The following FMNL2 variants were observed in gnomAD, a reference collection of about 807,000 sequenced individuals.
FMNL2 encodes the protein formin-like protein 2.
In FMNL2, 51 loss-of-function variants were observed where a neutral mutation model predicts 130.2. The observed-to-expected ratio is 0.39, with a 90% CI of 0.31 to 0.49. FMNL2 has a LOEUF of 0.49. Ranked by LOEUF, FMNL2 falls within the 20% of genes least tolerant of loss-of-function variation. FMNL2 has a pLI of 0.85. For missense variants in FMNL2, 977 were observed against 1,316.2 expected, an observed-to-expected ratio of 0.74 and a Z score of 3.99; for synonymous variants, 465 against 467.1, an observed-to-expected ratio of 1.00 and a Z score of 0.06.
intron 1 of FMNL2, among the ~76,000 whole-genome samples, chr2:152,418,565 GT>G (rs1686740955): frequency 6.6e-6 from 1 of 152,054 alleles, no homozygotes. Context: ...GTGTCCTTTT[GT>G]GTCTGGTTGA....
At chr2:152,448,458 C>T (rs750874073) in intron 1 of FMNL2, among the ~76,000 whole-genome samples, 2 of 152,044 alleles carry the variant, frequency 1.3e-5, no homozygotes, top group South Asian at 2.1e-4. Flanking sequence ...TGTTAATTGT[C>T]GGGATAAGCA....
chr2:152,492,901 C>G (rs144225809), intron 1 of FMNL2, among the ~76,000 whole-genome samples: 1 of 152,154 alleles, frequency 6.6e-6, no homozygotes, highest in East Asian at 1.9e-4. Flanking sequence ...TCTATGTCAC[C>G]TTGTTATGTA....
intron 1 of FMNL2, among the ~76,000 whole-genome samples, chr2:152,505,844 T>A (rs1399068439): frequency 1.3e-5 from 2 of 152,226 alleles, no homozygotes; most frequent in Non-Finnish European, 2.9e-5. Flanking sequence ...TTCTTCAACA[T>A]GTAATTGGCT....
chr2:152,575,144 C>G lies in FMNL2; in HGVS notation c.605C>G (p.Thr202Arg), dbSNP rs1258385889. ...SGRHSALRYNTLPSRRTLKNS... is the reference protein window; with the variant it reads ...SGRHSALRYNRLPSRRTLKNS... ...TCTCTTTTTGTTTGTAGATATAATA[C>G]ATTGCCAAGCAGAAGAACTCTGAAA... The change falls in exon 7 of 26, where the codon ACA (threonine) becomes AGA (arginine). Residue 202 changes from threonine (T) to arginine (R), a missense_variant. Physicochemically the swap from Thr to Arg is moderately conservative, Grantham distance 71 (BLOSUM62 -1). Coordinates refer to ENST00000288670, the MANE Select transcript of FMNL2 (RefSeq NM_052905.4). The G allele has an allele frequency of 6.3e-7, 1 of 1,593,076 alleles. No homozygotes were observed. Among genetic ancestry groups the G allele is most frequent in the African/African-American group, 1.3e-5 (1 of 74,548 alleles).
At chr2:152,576,795 G>GC (rs1414259446) in intron 7 of FMNL2, among the ~76,000 whole-genome samples, 1 of 152,188 alleles carries the variant, frequency 6.6e-6, no homozygotes, top group African/African-American at 2.4e-5. Context: ...AGAGAAAAGG[G>GC]CAAGTGCAGA....
At chr2:152,520,612 TA>T (rs1289708879) in intron 1 of FMNL2, among the ~76,000 whole-genome samples, 4 of 145,554 alleles carry the variant, frequency 2.7e-5, no homozygotes, top group East Asian at 3.9e-4. Flanking sequence ...AAAAAAAAAT[TA>T]AATTAAATAT....
At chr2:152,616,684 G>A (rs1430012428) in intron 12 of FMNL2, among the ~76,000 whole-genome samples, 1 of 152,160 alleles carries the variant, frequency 6.6e-6, no homozygotes, top group African/African-American at 2.4e-5. Flanking sequence ...TGGCTACCTA[G>A]ATTGAAAGAA....
At chr2:152,604,495 C>T (rs930755630) in intron 9 of FMNL2, among the ~76,000 whole-genome samples, 3 of 148,296 alleles carry the variant, frequency 2.0e-5, no homozygotes, top group Non-Finnish European at 3.0e-5. Context: ...ACATGAATCA[C>T]GGTCTGCTTC....
intron 1 of FMNL2, among the ~76,000 whole-genome samples, chr2:152,490,530 T>G (rs1178508815): frequency 6.6e-6 from 1 of 151,002 alleles, no homozygotes; most frequent in African/African-American, 2.4e-5. Context: ...CTGTTGTATG[T>G]GCAGGCTGCA....
intron 20 of FMNL2, among the ~76,000 whole-genome samples, chr2:152,631,015 G>GT (rs1327846266): frequency 5.9e-5 from 9 of 151,858 alleles, no homozygotes; most frequent in East Asian, 5.8e-4. Flanking sequence ...TATATACACT[G>GT]TTTTTTTTCT....
intron 1 of FMNL2, among the ~76,000 whole-genome samples, chr2:152,429,436 C>T (rs963662582): frequency 2.0e-5 from 3 of 152,104 alleles, no homozygotes; most frequent in Non-Finnish European, 2.9e-5. Context: ...ATTCATTTTT[C>T]TTTTCAGCAC....
At chr2:152,546,093 G>T (rs1466765224) in intron 3 of FMNL2, among the ~76,000 whole-genome samples, 1 of 152,122 alleles carries the variant, frequency 6.6e-6, no homozygotes, top group Admixed American at 6.5e-5. Flanking sequence ...ACTCTGCTAT[G>T]TCCTCAGTGC....
At chr2:152,364,331 A>G (rs1683387122) in intron 1 of FMNL2, among the ~76,000 whole-genome samples, 1 of 135,288 alleles carries the variant, frequency 7.4e-6, no homozygotes, top group African/African-American at 2.8e-5. Flanking sequence ...TTTAATCAAC[A>G]AATTTTGTTT....
At chr2:152,391,128 C>T (rs1337494782) in intron 1 of FMNL2, among the ~76,000 whole-genome samples, 1 of 152,142 alleles carries the variant, frequency 6.6e-6, no homozygotes, top group Non-Finnish European at 1.5e-5. Context: ...CAGAGCTTCC[C>T]GAACTTCCAA....
At chr2:152,391,274 A>G (rs1685091714) in intron 1 of FMNL2, among the ~76,000 whole-genome samples, 1 of 152,244 alleles carries the variant, frequency 6.6e-6, no homozygotes, top group African/African-American at 2.4e-5. Flanking sequence ...AATGCCAAAT[A>G]AACACCCTGG....
In FMNL2 at chr2:152,625,280, C is replaced by T. The variant is rs966930155; in HGVS notation, c.1838-158C>T. ...GACCTCAAATGGCTCTGGCCAAGGCCATGTGTGTTGTTTTCCAGCTTTAAA... is the reference window on the plus strand; with the variant it reads ...GACCTCAAATGGCTCTGGCCAAGGCTATGTGTGTTGTTTTCCAGCTTTAAA... On this transcript the variant is annotated intron_variant, in intron 15 of 25. Transcript: ENST00000288670. The T allele has an allele frequency of 3.8e-5, 29 of 754,816 alleles. No homozygotes were observed. The African/African-American group carries it at 4.9e-4, about 13-fold the overall frequency. The allele number at this position is 754,816 out of a possible 1,614,324, so 46.8% of individuals were successfully genotyped here. A position where few individuals can be genotyped will look rare whatever the true frequency, so the allele number is the denominator to read the frequency against.
Position 152,432,426 on chromosome 2 carries a change from G to T in FMNL2, c.118-89517G>T, listed in dbSNP as rs553113249. Reference sequence around the variant, plus strand: ...TACACCCATCCTAATTTACAGTATTGTTCTAAAGATGCACCAGGAAACACA... The same window carrying T: ...TACACCCATCCTAATTTACAGTATTTTTCTAAAGATGCACCAGGAAACACA... On this transcript the variant is annotated intron_variant, in intron 1 of 25. Coordinates refer to ENST00000288670, the MANE Select transcript of FMNL2 (RefSeq NM_052905.4). Among the ~76,000 whole-genome samples the T allele has an allele frequency of 1.5e-4, 23 of 152,212 alleles. No homozygotes were observed. In the South Asian group the frequency reaches 3.1e-3, roughly 21 times the overall value.
chr2:152,441,308 C>T (rs1231712133), intron 1 of FMNL2, among the ~76,000 whole-genome samples: 1 of 152,172 alleles, frequency 6.6e-6, no homozygotes, highest in Non-Finnish European at 1.5e-5. Context: ...ATCTACAGAG[C>T]ATTAACAAGT....
At chr2:152,462,707 G>A (rs552262861) in intron 1 of FMNL2, among the ~76,000 whole-genome samples, 2 of 152,266 alleles carry the variant, frequency 1.3e-5, no homozygotes, top group South Asian at 4.1e-4. Context: ...CATTAGATGG[G>A]GTAGAAATGA....
Sources: gnomAD v4.1 joint callset for allele counts (sites outside exome capture counted in the v4.1 genomes callset) on GRCh38, gnomAD v4.1.1 for gene constraint, MANE v1.5 for transcripts, NCBI Gene and HGNC (gene_info 2026-07-23, HGNC 2026-07-21) for gene names.